REXO1: variants seen among roughly 807,000 people sequenced by gnomAD.
REXO1 encodes the protein RNA exonuclease 1 homolog.
In REXO1, 42 loss-of-function variants were observed where a neutral mutation model predicts 102.6. That is an observed-to-expected ratio of 0.41 (90% CI 0.32 to 0.53). The LOEUF is 0.53. Ranked by LOEUF, REXO1 falls within the 20% of genes least tolerant of loss-of-function variation. The pLI is 0.27. For missense variants in REXO1, 1,819 were observed against 1,732.5 expected (o/e 1.05, Z -0.89); for synonymous variants, 908 against 779.1 (o/e 1.17, Z -2.76).
intron 12 of REXO1, 104 bp from the exon 13 acceptor site, chr19:1,816,917 G>A: frequency 1.1e-6 from 1 of 882,264 alleles, no homozygotes. Context: ...CAGAGGCAGT[G>A]ACCAGAGACT....
At chr19:1,821,814 G>A (rs949770804) in intron 4 of REXO1, 132 bp from the exon 5 acceptor site, 1 of 787,222 alleles carries the variant, frequency 1.3e-6, no homozygotes, top group Non-Finnish European at 2.0e-6. Context: ...GGGCCAGGGT[G>A]AGGGGCTGGG....
chr19:1,828,010 C>A lies in REXO1; in HGVS notation c.779G>T (p.Arg260Leu), dbSNP rs143118600. 1.2e-6 allele frequency: 2 copies of A among 1,612,612 alleles called. No homozygotes were observed. Among genetic ancestry groups the A allele is most frequent in the Admixed American group, 3.3e-5 (2 of 59,916 alleles). ...SRDERAAKRPRGSRGSEPYTP... is the reference protein window; with the variant it reads ...SRDERAAKRPLGSRGSEPYTP... Reference sequence around the variant, plus strand: ...GTAGGGCTCACTGCCGCGGGAGCCCCGGGGCCGCTTGGCGGCCCGCTCATC... The same window carrying A: ...GTAGGGCTCACTGCCGCGGGAGCCCAGGGGCCGCTTGGCGGCCCGCTCATC... The change falls in exon 2 of 16, where the codon CGG becomes CTG. Residue 260 changes from arginine to leucine, a missense_variant. Physicochemically the swap from Arg to Leu is moderately radical, Grantham distance 102. Transcript: ENST00000170168.
chr19:1,835,553 T>C (rs1363839766), intron 1 of REXO1, among the ~76,000 whole-genome samples: 2 of 151,802 alleles, frequency 1.3e-5, no homozygotes, highest in East Asian at 1.9e-4. Context: ...CATACACACA[T>C]ACATACATAC....
chr19:1,848,363 C>T lies in REXO1; in HGVS notation c.-5G>A. ...GAAGCCAGTGGAGCGTAGCATGGTCCGTCCCGCGGCGGGGCCCCGGCCCGG... is the reference window on the plus strand; with the variant it reads ...GAAGCCAGTGGAGCGTAGCATGGTCTGTCCCGCGGCGGGGCCCCGGCCCGG... On this transcript the variant is annotated 5_prime_UTR_variant, in exon 1 of 16. Coordinates refer to ENST00000170168, the MANE Select transcript of REXO1 (RefSeq NM_020695.4). The T allele has an allele frequency of 8.2e-7, 1 of 1,213,178 alleles. No individual in the cohort carries two copies. The highest frequency in any genetic ancestry group is 1.0e-6 in the Non-Finnish European group (1 of 969,426). 75.2% of individuals were successfully genotyped at this position (1,213,178 alleles called of 1,614,324 possible). A position where few individuals can be genotyped will look rare whatever the true frequency, so the allele number is the denominator to read the frequency against.
intron 1 of REXO1, among the ~76,000 whole-genome samples, chr19:1,838,811 AGAGT>A (rs2011181720): frequency 1.3e-5 from 2 of 151,812 alleles, no homozygotes; most frequent in East Asian, 3.9e-4. Context: ...TGGTCCACAC[AGAGT>A]AAGTTAAGAG....
In REXO1 at chr19:1,815,690, C is replaced by G. The variant is rs2069338367; in HGVS notation, c.*376G>C. 1 of 1,333,494 alleles carries G rather than the reference C, an allele frequency of 7.5e-7. No homozygotes were observed. The highest frequency in any genetic ancestry group is 9.7e-7 in the Non-Finnish European group (1 of 1,034,608). The allele number at this position is 1,333,494 out of a possible 1,614,324, so 82.6% of individuals were successfully genotyped here. A position where few individuals can be genotyped will look rare whatever the true frequency, so the allele number is the denominator to read the frequency against. On this transcript the variant is annotated 3_prime_UTR_variant, in exon 16 of 16. Coordinates refer to ENST00000170168, the MANE Select transcript of REXO1 (RefSeq NM_020695.4). This position sits in a 1 kb window ranked among gnomAD's most constrained non-coding sequence, Gnocchi z 4.0. ...TAAAAAAAGACTGTCTCAAACAAAC[C>G]TGGGACAAGCCCGCCCCGCGACCCA...
intron 1 of REXO1, among the ~76,000 whole-genome samples, chr19:1,841,444 C>T (rs918587323): frequency 5.3e-5 from 8 of 152,090 alleles, no homozygotes; most frequent in Non-Finnish European, 1.2e-4. Flanking sequence ...CAGCACAGCC[C>T]GCACGACGCT....
chr19:1,848,007 C>T (rs2011630192), intron 1 of REXO1, among the ~76,000 whole-genome samples, 195 bp downstream of exon 1: 2 of 152,240 alleles, frequency 1.3e-5, no homozygotes, highest in South Asian at 4.1e-4. Context: ...CTCGTGAAGA[C>T]GAAGGCTTAG....
In REXO1 at chr19:1,828,521, G is replaced by A. The variant is rs754557095; in HGVS notation, c.268C>T (p.Leu90=). The A allele has an allele frequency of 6.2e-7, 1 of 1,604,680 alleles. No homozygotes were observed. Among genetic ancestry groups the A allele is most frequent in the African/African-American group, 1.3e-5 (1 of 74,932 alleles). Residue 90 remains leucine (L), a synonymous_variant, in exon 2 of 16, where the codon CTG becomes TTG. Coordinates refer to ENST00000170168, the MANE Select transcript of REXO1 (RefSeq NM_020695.4). The part of the protein sequence containing the change: ...EPRPDVLELE[L]VNQAIEAVRS... ...ACGGCCTCGATGGCCTGGTTGACCA[G>A]CTCCAACTCCAGCACATCCGGGCGC... is the stretch of plus-strand genomic sequence containing the variant.
At chr19:1,840,117 G>A (rs1281987774) in intron 1 of REXO1, among the ~76,000 whole-genome samples, 3 of 152,162 alleles carry the variant, frequency 2.0e-5, no homozygotes, top group African/African-American at 7.2e-5. Context: ...ACAGGGCGGG[G>A]ATACGCCTGG....
At position 1,825,961 on chromosome 19, in the gene REXO1, C is replaced by T; in HGVS notation, c.1912-18G>A. On this transcript the variant is annotated intron_variant, in intron 2 of 15. Transcript: ENST00000170168. ...TTGGGGGGCTAAGACACATGTCCGT[C>T]CGTCAGCACAGGTCTGCCCTCGCTG... The T allele has an allele frequency of 6.3e-7, 1 of 1,579,532 alleles. No individual in the cohort carries two copies. Among genetic ancestry groups the T allele is most frequent in the Non-Finnish European group, 8.7e-7 (1 of 1,149,054 alleles).
At position 1,818,842 on chromosome 19, in the gene REXO1, C is replaced by T; in HGVS notation, c.2766G>A (p.Gly922=). ...PSSPRVEDLK[G]AALYSRLREY... ...CCCTGAGGCGGCTGTACAGGGCAGC[C>T]CCTGTGGACAGGCACAGTGGTCAGC... Residue 922 remains glycine (G), a splice_region_variant and synonymous_variant, in exon 9 of 16, where the codon GGG becomes GGA. Coordinates refer to ENST00000170168, the MANE Select transcript of REXO1 (RefSeq NM_020695.4). The T allele has an allele frequency of 6.2e-7, 1 of 1,609,282 alleles. No homozygotes were observed. Among genetic ancestry groups the T allele is most frequent in the Non-Finnish European group, 8.5e-7 (1 of 1,179,596 alleles).
rs542256060 is a variant in REXO1 at position 1,842,441 on chromosome 19, C to T, written c.157+5761G>A. Among the ~76,000 whole-genome samples the T allele has an allele frequency of 9.4e-4, 143 of 152,364 alleles. 1 individual carries two copies. Among genetic ancestry groups the T allele is most frequent in the Non-Finnish European group, 1.6e-3 (108 of 68,042 alleles). The stretch of plus-strand genomic sequence containing the variant: ...ATCTCCAGACATCTCCTAACATTCC[C>T]AAGGTGCAGAACCGCCCTGTCGGGA... On this transcript the variant is annotated intron_variant, in intron 1 of 15. Transcript: ENST00000170168.
At chr19:1,848,178 G>C in intron 1 of REXO1, 24 bp downstream of exon 1, 2 of 1,174,496 alleles carry the variant, frequency 1.7e-6, no homozygotes, top group African/African-American at 3.2e-5. Flanking sequence ...CCGAGCCCAA[G>C]GCAAGCAGGC....
intron 1 of REXO1, among the ~76,000 whole-genome samples, chr19:1,845,268 G>C (rs1051222999): frequency 7.2e-5 from 11 of 152,178 alleles, no homozygotes; most frequent in African/African-American, 2.7e-4. Context: ...GCCCCTCTAG[G>C]CCGGGGATGC....
Position 1,820,375 on chromosome 19 carries a change from G to A in REXO1, c.2415C>T (p.Ile805=). The change falls in exon 6 of 16, where the codon ATC becomes ATT. Residue 805 remains isoleucine (I), a synonymous_variant. Coordinates refer to ENST00000170168, the MANE Select transcript of REXO1 (RefSeq NM_020695.4). ...PSLQSLKKPI[I]PKEFGGKVPT... Reference sequence around the variant, plus strand: ...GGACTTTGCCCCCAAACTCTTTGGGGATAATGGGTTTCTTTAAACTCTAGA... The same window carrying A: ...GGACTTTGCCCCCAAACTCTTTGGGAATAATGGGTTTCTTTAAACTCTAGA... 6.2e-7 allele frequency: 1 copy of A among 1,613,696 alleles called. No individual in the cohort carries two copies. Among genetic ancestry groups the A allele is most frequent in the Non-Finnish European group, 8.5e-7 (1 of 1,179,914 alleles).
rs577693459 is a variant in REXO1 at position 1,816,322 on chromosome 19, G to A, written c.3480C>T (p.Asp1160=). ...ALKVIHSTVV[D]TSVLFPHRLG... ...GGCGGTGGGGGAAGAGCACAGACGT[G>A]TCCACCACGGTGCTGTGGATGACCT... The change falls in exon 15 of 16, where the codon GAC becomes GAT. Residue 1160 remains aspartate (D), a synonymous_variant. Transcript: ENST00000170168. 3 of 1,590,170 alleles carry A rather than the reference G, an allele frequency of 1.9e-6. No individual in the cohort carries two copies. The highest frequency in any genetic ancestry group is 1.7e-6 in the Non-Finnish European group (2 of 1,168,516).
In REXO1 at chr19:1,817,299, G is replaced by A; in HGVS notation, c.3121C>T (p.Leu1041Phe). The change falls in exon 12 of 16, where the codon CTT becomes TTT. Residue 1041 changes from leucine to phenylalanine, a missense_variant. By Grantham distance (22) the Leu-to-Phe change is conservative. Coordinates refer to ENST00000170168, the MANE Select transcript of REXO1 (RefSeq NM_020695.4). ...TCAAAGGTCTTCACGAAGCCCTCAA[G>A]GCGCTCCTTCCGGCCATCCTGCACG... is the stretch of plus-strand genomic sequence containing the variant. ...QHVQDGRKER[L>F]EGFVKTFEKE... The A allele has an allele frequency of 6.2e-7, 1 of 1,613,066 alleles. No individual in the cohort carries two copies. The highest frequency in any genetic ancestry group is 1.1e-5 in the South Asian group (1 of 91,090).
chr19:1,840,010 A>G lies in REXO1; in HGVS notation c.157+8192T>C, dbSNP rs528121671. ...AGGGCCTCTGAGCCACTGTGAGAGG[A>G]GGAGGGAGGGGTCTCAGAAAAATGG... On this transcript the variant is annotated intron_variant, in intron 1 of 15. Coordinates refer to ENST00000170168, the MANE Select transcript of REXO1 (RefSeq NM_020695.4). Among the ~76,000 whole-genome samples, 7 of 152,222 alleles carry G rather than the reference A, an allele frequency of 4.6e-5. No homozygotes were observed. In the East Asian group the frequency reaches 1.4e-3, roughly 29 times the overall value.
Sources: allele counts gnomAD v4.1 joint callset (sites outside exome capture counted in the v4.1 genomes callset), GRCh38; gene constraint gnomAD v4.1.1; non-coding constraint Gnocchi (gnomAD v3.1); transcripts MANE v1.5; gene names NCBI Gene and HGNC (gene_info 2026-07-23, HGNC 2026-07-21).